Variants in NAF1 observed in about 807,000 individuals in gnomAD.
NAF1 encodes H/ACA ribonucleoprotein complex non-core subunit NAF1.
A neutral mutation model predicts 40.6 loss-of-function variants in NAF1; 11 were observed. That is an observed-to-expected ratio of 0.27 (90% CI 0.17 to 0.45). NAF1 has a LOEUF of 0.45. NAF1 is among the 20% of genes least tolerant of loss of function. NAF1 has a pLI of 1.00. For synonymous variants in NAF1, 260 were observed against 228.5 expected (o/e 1.14, Z -1.24); for missense variants, 607 against 611.1 (o/e 0.99, Z 0.07).
At chr4:163,155,930 T>C (rs985572550) in intron 2 of NAF1, among the ~76,000 whole-genome samples, 4 of 142,938 alleles carry the variant, frequency 2.8e-5, no homozygotes, top group South Asian at 2.4e-4. Flanking sequence ...ACTAAAAAAA[T>C]TGAAGGTAGA....
the NAF1 span, among the ~76,000 whole-genome samples, chr4:163,104,523 C>G: frequency 1.3e-5 from 2 of 152,084 alleles, no homozygotes; most frequent in African/African-American, 4.8e-5. Context: ...CATTTTGTTT[C>G]TAGTTTTACT....
At chr4:163,149,410 A>G (rs546345903) in intron 2 of NAF1, among the ~76,000 whole-genome samples, 94 of 152,286 alleles carry the variant, frequency 6.2e-4, no homozygotes, top group African/African-American at 2.1e-3. Flanking sequence ...TAATCATATT[A>G]CCCCTACGGA....
intron 2 of NAF1, among the ~76,000 whole-genome samples, chr4:163,161,384 A>T (rs935855069): frequency 6.6e-6 from 1 of 152,138 alleles, no homozygotes; most frequent in Non-Finnish European, 1.5e-5. Flanking sequence ...GAGGCAGAAG[A>T]ATAGCTTGAG....
At chr4:163,109,789 T>A (rs145605200), downstream of NAF1, among the ~76,000 whole-genome samples, 1 of 152,318 alleles carries the variant, frequency 6.6e-6, no homozygotes, top group African/African-American at 2.4e-5. Flanking sequence ...TACCTCACAC[T>A]CTGCATAGAT....
downstream of NAF1, among the ~76,000 whole-genome samples, chr4:163,127,869 T>C (rs145468451): frequency 6.6e-6 from 1 of 152,280 alleles, no homozygotes; most frequent in African/African-American, 2.4e-5. Context: ...GAATGTAAGA[T>C]TGGGAAACAT....
intron 2 of NAF1, among the ~76,000 whole-genome samples, chr4:163,163,655 G>A (rs1404230795): frequency 6.6e-6 from 1 of 151,908 alleles, no homozygotes. Flanking sequence ...CAAACCTATC[G>A]AGTGCCAATA....
chr4:163,153,990 C>T lies in NAF1; in HGVS notation c.541-5556G>A, dbSNP rs373764568. Reference sequence around the variant, plus strand: ...GCCCACTGGGAGGAACAAACAACTCCAGACATGCCGCCTTAAGAGCTGTAA... The same window carrying T: ...GCCCACTGGGAGGAACAAACAACTCTAGACATGCCGCCTTAAGAGCTGTAA... On this transcript the variant is annotated intron_variant, in intron 2 of 7. Coordinates refer to ENST00000274054, the MANE Select transcript of NAF1 (RefSeq NM_138386.3). Among the ~76,000 whole-genome samples, 42 of 152,000 alleles carry T rather than the reference C, an allele frequency of 2.8e-4. No individual in the cohort carries two copies. The East Asian group carries it at 7.9e-3, about 29-fold the overall frequency.
At chr4:163,111,764 G>A (rs1323268850) in intron 2 of NAF1, among the ~76,000 whole-genome samples, 1 of 152,152 alleles carries the variant, frequency 6.6e-6, no homozygotes, top group Non-Finnish European at 1.5e-5. Flanking sequence ...CTAGGTAAAT[G>A]GCATTTCTTC....
intron 2 of NAF1, among the ~76,000 whole-genome samples, chr4:163,162,520 A>G (rs1275660982): frequency 2.0e-5 from 3 of 152,218 alleles, no homozygotes; most frequent in Non-Finnish European, 4.4e-5. Flanking sequence ...TGAAAATCTA[A>G]TAACATTCAA....
Position 163,129,174 on chromosome 4 carries a change from G to T in NAF1, c.1208C>A (p.Ser403Tyr). 1.2e-6 allele frequency: 2 copies of T among 1,613,936 alleles called. No homozygotes were observed. Among genetic ancestry groups the T allele is most frequent in the East Asian group, 4.5e-5 (2 of 44,882 alleles). Residue 403 changes from serine (S) to tyrosine (Y), a missense_variant, in exon 8 of 8, where the codon TCT becomes TAT. Transcript: ENST00000274054. ...QHFYNSEHMV[S>Y]QETSGFPSQR... ...AGAAGGAAATCCTGAAGTCTCCTGA[G>T]ATACCATATGTTCTGAGTTATAGAA...
chr4:163,152,930 C>T (rs897597538), intron 2 of NAF1, among the ~76,000 whole-genome samples: 6 of 152,194 alleles, frequency 3.9e-5, no homozygotes, highest in South Asian at 2.1e-4. Flanking sequence ...TGGAGGGCCC[C>T]GCACTCAGAG....
downstream of NAF1, among the ~76,000 whole-genome samples, chr4:163,127,350 G>C (rs145291790): frequency 6.6e-6 from 1 of 151,908 alleles, no homozygotes; most frequent in Non-Finnish European, 1.5e-5. Flanking sequence ...GGCTGGTCTC[G>C]AACTCCTGAC....
intron 2 of NAF1, among the ~76,000 whole-genome samples, chr4:163,148,913 C>T (rs562705825): frequency 1.3e-5 from 2 of 152,182 alleles, no homozygotes; most frequent in Non-Finnish European, 2.9e-5. Context: ...GCGACTGTGT[C>T]AAGAAGAGTT....
At chr4:163,117,542 A>G (rs1254261620) in intron 2 of NAF1, 1 of 151,966 alleles carries the variant, frequency 6.6e-6, no homozygotes, top group East Asian at 1.9e-4. Context: ...CATACTTTCA[A>G]GTAAATCTAA....
chr4:163,116,414 G>C (rs553333310), intron 2 of NAF1, among the ~76,000 whole-genome samples: 1 of 152,236 alleles, frequency 6.6e-6, no homozygotes, highest in Non-Finnish European at 1.5e-5. Context: ...GTGTGTGAGA[G>C]AGAGATCTGT....
At chr4:163,161,987 C>T (rs1398251710) in intron 2 of NAF1, among the ~76,000 whole-genome samples, 2 of 151,954 alleles carry the variant, frequency 1.3e-5, no homozygotes, top group African/African-American at 4.8e-5. Flanking sequence ...CCTACACATG[C>T]TCTCCTCACT....
chr4:163,115,199 A>ATTTTTTTTTTTTTTTTTTTTTTTTTTTT (rs201172406), intron 2 of NAF1, among the ~76,000 whole-genome samples: 1 of 103,706 alleles, frequency 9.6e-6, no homozygotes. Context: ...TAGGACAATA[A>ATTTTTTTTTTTTTTTTTTTTTTTTTTTT]TTTTTTTATT....
At chr4:163,110,124 T>C (rs1730115887) in exon 3 of NAF1, 1 of 526,622 alleles carries the variant, frequency 1.9e-6, no homozygotes, top group Non-Finnish European at 3.4e-6. Context: ...AATCTGTGGG[T>C]TGCCATGAGG....
chr4:163,112,463 G>C (rs560754882), intron 2 of NAF1, among the ~76,000 whole-genome samples: 3 of 152,266 alleles, frequency 2.0e-5, no homozygotes, highest in South Asian at 4.1e-4. Context: ...GAAACACATG[G>C]ATGGAGGAGA....
Sources: gnomAD v4.1 joint callset for allele counts (sites outside exome capture counted in the v4.1 genomes callset) on GRCh38, gnomAD v4.1.1 for gene constraint, MANE v1.5 for transcripts, NCBI Gene and HGNC (gene_info 2026-07-23, HGNC 2026-07-21) for gene names.